Variants in KLF13 observed in about 807,000 individuals in gnomAD.
The protein encoded by KLF13 is KLF transcription factor 13.
Under a neutral mutation model 16.7 loss-of-function variants are expected in KLF13, and 8 were observed. The observed-to-expected ratio is 0.48, with a 90% CI of 0.28 to 0.87. The LOEUF is 0.87. Ranked by LOEUF, KLF13 falls within the 40% of genes least tolerant of loss-of-function variation. The probability of loss-of-function intolerance (pLI) is 0.10; values close to 1 mark genes in which losing one functional copy is unlikely to be tolerated. For synonymous variants in KLF13, 245 were observed against 208.4 expected, an observed-to-expected ratio of 1.18 and a Z score of -1.51; for missense variants, 447 against 452.2, an observed-to-expected ratio of 0.99 and a Z score of 0.10.
chr15:31,333,345 C>T (rs1284099299), intron 1 of KLF13, among the ~76,000 whole-genome samples: 1 of 152,206 alleles, frequency 6.6e-6, no homozygotes, highest in South Asian at 2.1e-4. Flanking sequence ...CCTGCTGTGT[C>T]CTACTGCCAC....
chr15:31,410,582 AACAC>A (rs71110871), intron 1 of KLF13, among the ~76,000 whole-genome samples: 20,879 of 146,350 alleles, frequency 0.14, 1,616 homozygotes, highest in East Asian at 0.31. Flanking sequence ...AACACCAACC[AACAC>A]ACACACACAC....
chr15:31,336,298 C>A (rs973267504), intron 1 of KLF13, among the ~76,000 whole-genome samples: 1 of 152,156 alleles, frequency 6.6e-6, no homozygotes, highest in Non-Finnish European at 1.5e-5. Context: ...AGCAGTGACC[C>A]CAAGACCTAT....
intron 1 of KLF13, among the ~76,000 whole-genome samples, chr15:31,411,276 A>T (rs962297879): frequency 5.8e-4 from 89 of 152,262 alleles, no homozygotes; most frequent in African/African-American, 2.1e-3. Context: ...TTTCTGTTTC[A>T]GTTGATGCTG....
intron 2 of KLF13, among the ~76,000 whole-genome samples, chr15:31,399,802 TGTCTTGCCCGATCTGCCAGGGCAG>T (rs542188476): frequency 1.3e-5 from 2 of 152,366 alleles, no homozygotes; most frequent in South Asian, 2.1e-4. Context: ...TGTGCACACC[TGTCTTGCCCGATCTGCCAGGGCAG>T]GCCACAGGGA....
chr15:31,391,215 G>C (rs971762107), upstream of KLF13, among the ~76,000 whole-genome samples: 56 of 95,918 alleles, frequency 5.8e-4, no homozygotes, highest in Non-Finnish European at 8.1e-4. Context: ...CCTGTGGGGG[G>C]GCTGGGTATA....
At chr15:31,390,638 T>TC (rs748713883), upstream of KLF13, among the ~76,000 whole-genome samples, 5 of 152,214 alleles carry the variant, frequency 3.3e-5, no homozygotes, top group Non-Finnish European at 5.9e-5. Context: ...CACGGAGCAC[T>TC]CCATCTGCAG....
chr15:31,423,038 T>C (rs1407223040), intron 1 of KLF13, among the ~76,000 whole-genome samples: 2 of 140,450 alleles, frequency 1.4e-5, no homozygotes, highest in African/African-American at 5.3e-5. Context: ...CCTTCTCAAA[T>C]AAAAAAAAGC....
chr15:31,371,898 T>C (rs2039560020), intron 1 of KLF13, 112 bp from the exon 2 acceptor site: 4 of 1,184,796 alleles, frequency 3.4e-6, no homozygotes, highest in Middle Eastern at 2.2e-4. Context: ...AGGTGGGGCA[T>C]GTGGGAGGGG....
chr15:31,330,645 C>T (rs551995460), intron 1 of KLF13, among the ~76,000 whole-genome samples: 2 of 152,344 alleles, frequency 1.3e-5, no homozygotes, highest in South Asian at 2.1e-4. Context: ...CAGCTGCATG[C>T]TAAGAGCTTT....
chr15:31,379,039 G>A (rs1278593800), downstream of KLF13, among the ~76,000 whole-genome samples: 1 of 152,030 alleles, frequency 6.6e-6, no homozygotes, highest in East Asian at 1.9e-4. Context: ...CTGTTCATAG[G>A]GTAAATGAAA....
At chr15:31,405,225 A>C (rs745900109), downstream of KLF13, among the ~76,000 whole-genome samples, 2 of 152,028 alleles carry the variant, frequency 1.3e-5, no homozygotes, top group Admixed American at 6.6e-5. Flanking sequence ...GAGGCAGGAG[A>C]ATTGCATGAA....
At chr15:31,379,469 T>C (rs978600528), downstream of KLF13, among the ~76,000 whole-genome samples, 1 of 151,754 alleles carries the variant, frequency 6.6e-6, no homozygotes, top group African/African-American at 2.4e-5. Context: ...CTGTCAGTTA[T>C]GTCACTGCTG....
intron 1 of KLF13, among the ~76,000 whole-genome samples, chr15:31,385,047 A>G (rs956802850): frequency 6.6e-6 from 1 of 152,332 alleles, no homozygotes; most frequent in South Asian, 2.1e-4. Context: ...TCCCTTCACA[A>G]GAAGAGATGT....
chr15:31,340,022 C>T (rs1264841140), intron 1 of KLF13: 5 of 702,316 alleles, frequency 7.1e-6, no homozygotes, highest in African/African-American at 3.5e-5. Flanking sequence ...GTTTATTTTA[C>T]TGTCAGTAGG....
At chr15:31,407,906 A>G (rs2040147283), downstream of KLF13, among the ~76,000 whole-genome samples, 1 of 152,248 alleles carries the variant, frequency 6.6e-6, no homozygotes. Context: ...TAAACCATGT[A>G]TATACCTCAT....
chr15:31,327,470 C>T lies in KLF13; in HGVS notation c.258C>T (p.Gly86=), dbSNP rs2038733872. The T allele has an allele frequency of 1.7e-6, 2 of 1,203,822 alleles. No homozygotes were observed. The highest frequency in any genetic ancestry group is 2.1e-6 in the Non-Finnish European group (2 of 970,072). The allele number at this position is 1,203,822 out of a possible 1,614,324, so 74.6% of individuals were successfully genotyped here. A position where few individuals can be genotyped will look rare whatever the true frequency, so the allele number is the denominator to read the frequency against. ...PAPAPAERRE[G]AAARKARTPC... ...CCGCCCCGGCGGAGCGCAGGGAGGGCGCCGCGGCCCGGAAGGCGAGGACCC... is the reference window on the plus strand; with the variant it reads ...CCGCCCCGGCGGAGCGCAGGGAGGGTGCCGCGGCCCGGAAGGCGAGGACCC... The change falls in exon 1 of 2, where the codon GGC becomes GGT. Residue 86 remains glycine, a synonymous_variant. Transcript: ENST00000307145.
chr15:31,329,164 A>G (rs2140927251), intron 1 of KLF13, among the ~76,000 whole-genome samples: 1 of 141,206 alleles, frequency 7.1e-6, no homozygotes, highest in South Asian at 2.2e-4. Flanking sequence ...GAGCGGGGCC[A>G]TTTCTAGGCA....
intron 1 of KLF13, among the ~76,000 whole-genome samples, chr15:31,362,225 T>C (rs2039401127): frequency 6.6e-6 from 1 of 152,198 alleles, no homozygotes; most frequent in African/African-American, 2.4e-5. Flanking sequence ...ACCCATAGCC[T>C]TTTAGGTCTG....
At chr15:31,434,558 C>T (rs910139730) in intron 1 of KLF13, among the ~76,000 whole-genome samples, 1 of 152,284 alleles carries the variant, frequency 6.6e-6, no homozygotes, top group Admixed American at 6.5e-5. Flanking sequence ...TCTTTGCTAT[C>T]TCAGGGGCGT....
Sources: allele counts gnomAD v4.1 joint callset (sites outside exome capture counted in the v4.1 genomes callset), GRCh38; gene constraint gnomAD v4.1.1; transcripts MANE v1.5; gene names NCBI Gene and HGNC (gene_info 2026-07-23, HGNC 2026-07-21).